The following SCAPER variants were observed in gnomAD, a reference collection of about 807,000 sequenced individuals.
SCAPER encodes the protein S phase cyclin A-associated protein in the endoplasmic reticulum.
In SCAPER, 98 loss-of-function variants were observed where a neutral mutation model predicts 182.2. The ratio of observed to expected loss-of-function variants is 0.54; its 90% confidence interval spans 0.46 to 0.64. The LOEUF (loss-of-function observed/expected upper bound fraction) is 0.64, where lower values mean the gene tolerates loss of function less well. Among genes scored for constraint, SCAPER ranks in the 30% least tolerant of loss-of-function variants. The probability of loss-of-function intolerance (pLI) is 0.00; values close to 1 mark genes in which losing one functional copy is unlikely to be tolerated. For synonymous variants in SCAPER, 605 were observed against 564.6 expected (o/e 1.07, Z -1.01); for missense variants, 1,432 against 1,690.0 (o/e 0.85, Z 2.68).
intron 9 of SCAPER, among the ~76,000 whole-genome samples, chr15:76,773,574 A>T (rs2063582300): frequency 6.6e-6 from 1 of 151,972 alleles, no homozygotes; most frequent in African/African-American, 2.4e-5. Context: ...CTATGCGTTT[A>T]GGACTCTTCC....
At chr15:76,837,886 T>C (rs1193827567) in intron 5 of SCAPER, among the ~76,000 whole-genome samples, 1 of 152,144 alleles carries the variant, frequency 6.6e-6, no homozygotes, top group Non-Finnish European at 1.5e-5. Context: ...ATGGCTATTA[T>C]TTAAAAGTCA....
intron 20 of SCAPER, among the ~76,000 whole-genome samples, chr15:76,675,378 T>C (rs896752444): frequency 6.6e-6 from 1 of 152,206 alleles, no homozygotes; most frequent in Non-Finnish European, 1.5e-5. Flanking sequence ...AAATCTGTTA[T>C]AAGGATAGGA....
intron 23 of SCAPER, among the ~76,000 whole-genome samples, chr15:76,558,312 A>C (rs1390580183): frequency 6.6e-6 from 1 of 152,142 alleles, no homozygotes; most frequent in South Asian, 2.1e-4. Context: ...ACAAAAAAAC[A>C]AAGAAAAAGT....
At chr15:76,356,041 G>C (rs1298339696) in intron 29 of SCAPER, among the ~76,000 whole-genome samples, 1 of 152,214 alleles carries the variant, frequency 6.6e-6, no homozygotes, top group Non-Finnish European at 1.5e-5. Flanking sequence ...TACTACGACT[G>C]ATGAGAACCC....
chr15:76,535,318 T>C (rs139596151), intron 23 of SCAPER, among the ~76,000 whole-genome samples: 4,587 of 151,460 alleles, frequency 0.03, 105 homozygotes, highest in South Asian at 0.052. Context: ...GGTCAGGAGA[T>C]CGAGACCATC....
Position 76,683,328 on chromosome 15 carries a change from C to T in SCAPER, c.2509-17539G>A, listed in dbSNP as rs914901158. Among the ~76,000 whole-genome samples, 13 of 151,902 alleles carry T rather than the reference C, an allele frequency of 8.6e-5. No individual in the cohort carries two copies. In the South Asian group the frequency reaches 1.0e-3, roughly 12 times the overall value. On this transcript the variant is annotated intron_variant, in intron 20 of 31. Coordinates refer to ENST00000563290, the MANE Select transcript of SCAPER (RefSeq NM_020843.4). ...TCTCAGGTCACAAAGACTGGTTCTCCGAATTAACTCAGTCAAACAAAATAA... is the reference window on the plus strand; with the variant it reads ...TCTCAGGTCACAAAGACTGGTTCTCTGAATTAACTCAGTCAAACAAAATAA...
chr15:76,639,777 T>C (rs775105253), intron 21 of SCAPER, among the ~76,000 whole-genome samples: 25 of 151,842 alleles, frequency 1.6e-4, no homozygotes, highest in Admixed American at 1.3e-4. Context: ...ACTATCTTTA[T>C]GGAGTCCAAC....
At chr15:76,473,071 G>A (rs1567212701) in intron 24 of SCAPER, among the ~76,000 whole-genome samples, 1 of 152,156 alleles carries the variant, frequency 6.6e-6, no homozygotes, top group Non-Finnish European at 1.5e-5. Context: ...TGGATTTTCA[G>A]ATTTTCAGAT....
intron 14 of SCAPER, among the ~76,000 whole-genome samples, chr15:76,764,229 A>G (rs952291820): frequency 2.6e-5 from 4 of 152,180 alleles, no homozygotes; most frequent in Admixed American, 1.3e-4. Flanking sequence ...CTTGGTTTAT[A>G]TGTATGCATT....
intron 23 of SCAPER, among the ~76,000 whole-genome samples, chr15:76,531,038 T>TA (rs889102001): frequency 1.3e-5 from 2 of 151,782 alleles, no homozygotes; most frequent in Non-Finnish European, 2.9e-5. Flanking sequence ...AAAAATAAGT[T>TA]AAAAAACAGT....
chr15:76,564,966 T>C (rs536189509), intron 23 of SCAPER, among the ~76,000 whole-genome samples: 2 of 152,150 alleles, frequency 1.3e-5, no homozygotes, highest in Non-Finnish European at 2.9e-5. Context: ...TGGCTAGCCA[T>C]ATACAGAAGA....
intron 20 of SCAPER, among the ~76,000 whole-genome samples, chr15:76,683,029 C>T (rs1567789374): frequency 2.0e-5 from 3 of 152,118 alleles, no homozygotes; most frequent in African/African-American, 7.2e-5. Flanking sequence ...CATATTAGTT[C>T]CCCGGGAATG....
chr15:76,804,506 G>A (rs1452591592), intron 6 of SCAPER, 27 bp downstream of exon 6: 1 of 1,457,478 alleles, frequency 6.9e-7, no homozygotes, highest in Non-Finnish European at 9.5e-7. Context: ...TGGATGATAG[G>A]AAGATTGAGA....
At chr15:76,877,562 G>A (rs1385833508) in intron 2 of SCAPER, among the ~76,000 whole-genome samples, 1 of 152,172 alleles carries the variant, frequency 6.6e-6, no homozygotes, top group African/African-American at 2.4e-5. Flanking sequence ...AAGTTAACAA[G>A]CAGGATGAAT....
At chr15:76,757,806 T>C (rs1204266451) in intron 14 of SCAPER, among the ~76,000 whole-genome samples, 3 of 152,170 alleles carry the variant, frequency 2.0e-5, no homozygotes, top group Non-Finnish European at 4.4e-5. Context: ...TCCTAACAAG[T>C]GTCAGGTGAT....
intron 2 of SCAPER, among the ~76,000 whole-genome samples, chr15:76,875,056 C>T (rs1383741692): frequency 6.6e-6 from 1 of 152,152 alleles, no homozygotes. Flanking sequence ...AAAAACATAA[C>T]TTACCAAACC....
chr15:76,621,317 T>C (rs1269841536), intron 22 of SCAPER, among the ~76,000 whole-genome samples: 1 of 152,184 alleles, frequency 6.6e-6, no homozygotes, highest in Admixed American at 6.5e-5. Flanking sequence ...TCATGAGAAT[T>C]AGCATTAGAG....
At chr15:76,487,971 T>C (rs1209753190) in intron 24 of SCAPER, among the ~76,000 whole-genome samples, 1 of 152,172 alleles carries the variant, frequency 6.6e-6, no homozygotes, top group Admixed American at 6.5e-5. Flanking sequence ...TCAATACTAC[T>C]GGGGTGGTCA....
At chr15:76,859,028 A>G (rs899494981) in intron 3 of SCAPER, among the ~76,000 whole-genome samples, 4 of 152,112 alleles carry the variant, frequency 2.6e-5, no homozygotes, top group Non-Finnish European at 5.9e-5. Flanking sequence ...TCTGTTTTCA[A>G]CTCTTTGAGT....
Sources: gnomAD v4.1 joint callset for allele counts (sites outside exome capture counted in the v4.1 genomes callset) on GRCh38, gnomAD v4.1.1 for gene constraint, MANE v1.5 for transcripts, NCBI Gene and HGNC (gene_info 2026-07-23, HGNC 2026-07-21) for gene names.